Variants in NXPH1 observed in about 807,000 individuals in gnomAD.
The protein encoded by NXPH1 is neurexophilin-1.
Under a neutral mutation model 23.7 loss-of-function variants are expected in NXPH1, and 5 were observed. That is an observed-to-expected ratio of 0.21 (90% CI 0.11 to 0.44). The LOEUF (loss-of-function observed/expected upper bound fraction) is 0.44, where lower values mean the gene tolerates loss of function less well. NXPH1 is among the 20% of genes least tolerant of loss of function. The pLI is 0.99. For synonymous variants in NXPH1, 144 were observed against 122.2 expected, an observed-to-expected ratio of 1.18 and a Z score of -1.18; for missense variants, 324 against 321.6, an observed-to-expected ratio of 1.01 and a Z score of -0.06.
chr7:8,704,852 G>T (rs1779679033), intron 2 of NXPH1, among the ~76,000 whole-genome samples: 1 of 152,064 alleles, frequency 6.6e-6, no homozygotes, highest in African/African-American at 2.4e-5. Flanking sequence ...GGTTAAGTCA[G>T]CTTTCAGAAC....
intron 2 of NXPH1, among the ~76,000 whole-genome samples, chr7:8,706,613 C>T (rs1476521751): frequency 2.6e-5 from 4 of 152,180 alleles, no homozygotes; most frequent in Non-Finnish European, 2.9e-5. Flanking sequence ...TGTCAGTTGG[C>T]CTCTCTCCTC....
At chr7:8,470,038 T>C (rs927157965) in intron 2 of NXPH1, among the ~76,000 whole-genome samples, 1 of 152,278 alleles carries the variant, frequency 6.6e-6, no homozygotes, top group South Asian at 2.1e-4. Flanking sequence ...TTAGACAATA[T>C]GGATTATATG....
intron 2 of NXPH1, among the ~76,000 whole-genome samples, chr7:8,645,269 A>C (rs556980422): frequency 6.6e-6 from 1 of 152,154 alleles, no homozygotes; most frequent in Non-Finnish European, 1.5e-5. Context: ...AGTTGTACCC[A>C]GTACATTTCC....
chr7:8,626,962 G>C (rs1352448412), intron 2 of NXPH1, among the ~76,000 whole-genome samples: 1 of 152,074 alleles, frequency 6.6e-6, no homozygotes, highest in Non-Finnish European at 1.5e-5. Context: ...TAAGGACAAA[G>C]AGCCTCTCTG....
At chr7:8,557,874 A>G (rs929304144) in intron 2 of NXPH1, among the ~76,000 whole-genome samples, 2 of 151,696 alleles carry the variant, frequency 1.3e-5, no homozygotes, top group African/African-American at 4.8e-5. Flanking sequence ...GTAAAGGCAT[A>G]CAGAAAATCA....
At chr7:8,616,239 T>C (rs1371041271) in intron 2 of NXPH1, among the ~76,000 whole-genome samples, 2 of 151,682 alleles carry the variant, frequency 1.3e-5, no homozygotes, top group Non-Finnish European at 2.9e-5. Flanking sequence ...CTTGAACATA[T>C]AGGTAAACTT....
chr7:8,585,182 C>T (rs1033743532), intron 2 of NXPH1, among the ~76,000 whole-genome samples: 6 of 152,122 alleles, frequency 3.9e-5, no homozygotes, highest in African/African-American at 7.2e-5. Flanking sequence ...TGAAATACTT[C>T]GTTTGCTTAT....
At chr7:8,542,736 C>T (rs1562396840) in intron 2 of NXPH1, among the ~76,000 whole-genome samples, 1 of 151,386 alleles carries the variant, frequency 6.6e-6, no homozygotes, top group African/African-American at 2.4e-5. Flanking sequence ...ATTTTAGGGA[C>T]AAAAACCTAT....
At chr7:8,501,126 A>T (rs908219401) in intron 2 of NXPH1, among the ~76,000 whole-genome samples, 3 of 152,076 alleles carry the variant, frequency 2.0e-5, no homozygotes, top group African/African-American at 7.2e-5. Context: ...TGAAAAATCT[A>T]TCAGCTGTCA....
chr7:8,575,730 C>T (rs1818741883), intron 2 of NXPH1, among the ~76,000 whole-genome samples: 1 of 150,710 alleles, frequency 6.6e-6, no homozygotes, highest in Non-Finnish European at 1.5e-5. Flanking sequence ...TTTAATTCTA[C>T]CAAAAGGTGA....
chr7:8,546,192 C>T (rs1436628903), intron 2 of NXPH1, among the ~76,000 whole-genome samples: 1 of 151,372 alleles, frequency 6.6e-6, no homozygotes, highest in Non-Finnish European at 1.5e-5. Context: ...TTAAAGAATA[C>T]TCAGGCAATC....
chr7:8,634,786 T>C (rs963404413), intron 2 of NXPH1, among the ~76,000 whole-genome samples: 5 of 149,216 alleles, frequency 3.4e-5, no homozygotes, highest in Non-Finnish European at 5.9e-5. Context: ...TCTTACTTAA[T>C]AGGAAAGCAT....
rs191504206 is a variant in NXPH1, at chr7:8,682,368, A to G, written c.55-68640A>G. On this transcript the variant is annotated intron_variant, in intron 2 of 2. Coordinates refer to ENST00000405863, the MANE Select transcript of NXPH1 (RefSeq NM_152745.3). ...AGAGTATGTGTTTTAAAAGCACACTAAAGGATTCTGATACACAGCTGATTT... is the reference window on the plus strand; with the variant it reads ...AGAGTATGTGTTTTAAAAGCACACTGAAGGATTCTGATACACAGCTGATTT... 1.5e-4 allele frequency among the ~76,000 whole-genome samples: 23 copies of G among 152,336 alleles called. No homozygotes were observed. The East Asian group carries it at 2.5e-3, about 17-fold the overall frequency.
At chr7:8,615,271 T>A (rs1046437127) in intron 2 of NXPH1, among the ~76,000 whole-genome samples, 1 of 152,082 alleles carries the variant, frequency 6.6e-6, no homozygotes, top group African/African-American at 2.4e-5. Flanking sequence ...CAGGAGGCAG[T>A]GCGCATGGTG....
intron 2 of NXPH1, among the ~76,000 whole-genome samples, chr7:8,725,159 C>T (rs552275722): frequency 6.6e-6 from 1 of 152,270 alleles, no homozygotes; most frequent in South Asian, 2.1e-4. Context: ...TTGATATTCT[C>T]AGTGCATGAG....
chr7:8,747,994 G>A (rs1390190359), intron 2 of NXPH1, among the ~76,000 whole-genome samples: 2 of 152,164 alleles, frequency 1.3e-5, no homozygotes, highest in Non-Finnish European at 2.9e-5. Flanking sequence ...TCCTTTTGAT[G>A]TGAGAGTAAA....
rs565983387 is a variant in NXPH1 at position 8,566,523 on chromosome 7, C to T, written c.54+130756C>T. ...TAGGTAGCATCTAATGTGTTGGAGC[C>T]TTGGATGAATAAAAACAGAAGAAAG... On this transcript the variant is annotated intron_variant, in intron 2 of 2. Transcript: ENST00000405863. 2.6e-5 allele frequency among the ~76,000 whole-genome samples: 4 copies of T among 151,810 alleles called. No homozygotes were observed. In the South Asian group the frequency reaches 8.3e-4, roughly 32 times the overall value.
intron 2 of NXPH1, among the ~76,000 whole-genome samples, chr7:8,649,918 T>C (rs974082029): frequency 6.6e-6 from 1 of 152,160 alleles, no homozygotes; most frequent in African/African-American, 2.4e-5. Flanking sequence ...TCCTGTGATA[T>C]CCTCTATATA....
At chr7:8,520,637 G>A (rs1817755909) in intron 2 of NXPH1, among the ~76,000 whole-genome samples, 1 of 151,930 alleles carries the variant, frequency 6.6e-6, no homozygotes, top group South Asian at 2.1e-4. Flanking sequence ...TATTCTCCCT[G>A]GTTTTTCTTG....
Sources: allele counts gnomAD v4.1 joint callset (sites outside exome capture counted in the v4.1 genomes callset), GRCh38; gene constraint gnomAD v4.1.1; transcripts MANE v1.5; gene names NCBI Gene and HGNC (gene_info 2026-07-23, HGNC 2026-07-21).